Variants in CDH8 observed in about 807,000 individuals in gnomAD.
CDH8 encodes cadherin-8.
Under a neutral mutation model 68.1 loss-of-function variants are expected in CDH8, and 17 were observed. The observed-to-expected ratio is 0.25, with a 90% CI of 0.17 to 0.37. The LOEUF is 0.37. CDH8 is among the 10% of genes least tolerant of loss of function. The pLI, the probability that CDH8 is intolerant of heterozygous loss-of-function variation, is 1.00. For synonymous variants in CDH8, 372 were observed against 365.1 expected (o/e 1.02, Z -0.21); for missense variants, 763 against 999.3 (o/e 0.76, Z 3.19).
At position 61,653,932 on chromosome 16, in the gene CDH8, A is replaced by G. The variant is rs1487980024; in HGVS notation, c.2076T>C (p.Asn692=). ...TAATATCCTTACGGGGTAAAAATCC[A>G]TTAATTCCATCTGGATTTTGTAAAG... ...IATLQNPDGI[N]GFLPRKDIKP... The change falls in exon 12 of 12, where the codon AAT becomes AAC. Residue 692 remains asparagine (N), a synonymous_variant. Transcript: ENST00000577390. 1.2e-6 allele frequency: 2 copies of G among 1,614,206 alleles called. No individual in the cohort carries two copies. Among genetic ancestry groups the G allele is most frequent in the Admixed American group, 1.7e-5 (1 of 60,026 alleles).
intron 2 of CDH8, among the ~76,000 whole-genome samples, chr16:61,935,630 T>G (rs756049768): frequency 1.1e-4 from 16 of 152,132 alleles, no homozygotes; most frequent in Non-Finnish European, 2.1e-4. Context: ...TTCCTGTGAG[T>G]TCACTATTCA....
intron 2 of CDH8, among the ~76,000 whole-genome samples, chr16:62,015,266 C>T (rs2150607489): frequency 6.6e-6 from 1 of 152,236 alleles, no homozygotes; most frequent in Non-Finnish European, 1.5e-5. Flanking sequence ...CATGTTTAGA[C>T]TTGGCTCCAT....
At chr16:61,885,021 A>G (rs1567514152) in intron 3 of CDH8, among the ~76,000 whole-genome samples, 1 of 152,202 alleles carries the variant, frequency 6.6e-6, no homozygotes, top group Non-Finnish European at 1.5e-5. Context: ...AGATAAACGA[A>G]TATAAGAATG....
rs1195673378 is a variant in CDH8 at position 61,647,534 on chromosome 16, C to A, written c.*6074G>T. 1.5e-5 allele frequency: 6 copies of A among 399,856 alleles called. No individual in the cohort carries two copies. The highest frequency in any genetic ancestry group is 2.7e-5 in the Non-Finnish European group (6 of 223,708). The allele number at this position is 399,856 out of a possible 1,614,324, so 24.8% of individuals were successfully genotyped here. On this transcript the variant is annotated 3_prime_UTR_variant, in exon 12 of 12. Transcript: ENST00000577390. Reference sequence around the variant, plus strand: ...CATCTTAGAGCATAATTGTTAAAATCTTCCTCTTATTTGTGAGGGATCATA... The same window carrying A: ...CATCTTAGAGCATAATTGTTAAAATATTCCTCTTATTTGTGAGGGATCATA...
intron 4 of CDH8, among the ~76,000 whole-genome samples, chr16:61,841,924 G>A (rs979119270): frequency 1.3e-5 from 2 of 152,132 alleles, no homozygotes; most frequent in Non-Finnish European, 1.5e-5. Flanking sequence ...GTCTTGCTCT[G>A]TCGCCCAGGC....
Position 61,789,411 on chromosome 16 carries a change from A to G in CDH8, c.1349T>C (p.Leu450Pro). The G allele has an allele frequency of 6.2e-7, 1 of 1,613,238 alleles. No homozygotes were observed. Among genetic ancestry groups the G allele is most frequent in the Non-Finnish European group, 8.5e-7 (1 of 1,179,404 alleles). ...TAATTCTCTGTCAAGTGGTGTTGCCAGCGTTATCTTCCCATCGTCTGCATT... is the reference window on the plus strand; with the variant it reads ...TAATTCTCTGTCAAGTGGTGTTGCCGGCGTTATCTTCCCATCGTCTGCATT... The part of the protein sequence containing the change: ...NINADDGKIT[L>P]ATPLDRELSV... Residue 450 changes from leucine (L) to proline (P), a missense_variant, in exon 8 of 12, where the codon CTG (leucine) becomes CCG (proline). Around this residue, in one of 2 missense-constraint regions of CDH8, gnomAD observed 366 missense variants for 563.1 expected, o/e 0.65. Transcript: ENST00000577390.
chr16:61,840,072 T>C (rs1003833458), intron 4 of CDH8, among the ~76,000 whole-genome samples: 3 of 152,150 alleles, frequency 2.0e-5, no homozygotes, highest in African/African-American at 7.2e-5. Context: ...CTAAAATACA[T>C]GACTAATGCC....
At chr16:61,964,477 A>C (rs980372007) in intron 2 of CDH8, among the ~76,000 whole-genome samples, 1 of 152,102 alleles carries the variant, frequency 6.6e-6, no homozygotes, top group African/African-American at 2.4e-5. Flanking sequence ...AAGGAGAGAA[A>C]ACCCAGGCAT....
chr16:61,834,376 T>C (rs1468728302), intron 4 of CDH8, among the ~76,000 whole-genome samples: 1 of 151,856 alleles, frequency 6.6e-6, no homozygotes, highest in Non-Finnish European at 1.5e-5. Context: ...ATCTTGAGAT[T>C]ATGCTGGTTT....
intron 8 of CDH8, among the ~76,000 whole-genome samples, chr16:61,769,235 C>T (rs927210239): frequency 4.0e-5 from 6 of 151,820 alleles, no homozygotes; most frequent in Non-Finnish European, 8.8e-5. Context: ...CTAAAGATCC[C>T]TGGACCACTC....
chr16:62,034,348 A>T (rs185208715), intron 1 of CDH8, among the ~76,000 whole-genome samples: 2 of 152,304 alleles, frequency 1.3e-5, no homozygotes. Flanking sequence ...AGCGAGGCTG[A>T]ATGGATGGAA....
intron 2 of CDH8, among the ~76,000 whole-genome samples, chr16:62,003,619 G>A (rs2150598563): frequency 6.6e-6 from 1 of 152,246 alleles, no homozygotes; most frequent in South Asian, 2.1e-4. Context: ...GTGGTCCGCA[G>A]CATTACAGAA....
intron 3 of CDH8, among the ~76,000 whole-genome samples, chr16:61,871,217 T>A (rs530527169): frequency 6.6e-6 from 1 of 152,182 alleles, no homozygotes; most frequent in African/African-American, 2.4e-5. Flanking sequence ...GATCTCACTC[T>A]GTTATCCAAA....
intron 10 of CDH8, among the ~76,000 whole-genome samples, chr16:61,665,272 CACTT>C (rs1440623149): frequency 6.6e-6 from 1 of 151,874 alleles, no homozygotes; most frequent in East Asian, 1.9e-4. Context: ...GCATACCCCA[CACTT>C]ACAGTCCATG....
At chr16:61,927,544 T>A (rs1283517945) in intron 2 of CDH8, among the ~76,000 whole-genome samples, 2 of 152,196 alleles carry the variant, frequency 1.3e-5, no homozygotes, top group East Asian at 3.9e-4. Flanking sequence ...TAGACAAATA[T>A]CAAAAGGTTA....
intron 2 of CDH8, among the ~76,000 whole-genome samples, chr16:61,954,127 A>T (rs1165430261): frequency 6.6e-6 from 1 of 151,924 alleles, no homozygotes; most frequent in African/African-American, 2.4e-5. Context: ...TAACAAGGGG[A>T]GTAATGCACT....
Position 61,817,342 on chromosome 16 carries a change from A to G in CDH8, c.1277+137T>C, listed in dbSNP as rs1224926092. ...CACACACACACACACACACACACAC[A>G]GTATGTGCCAACCAACATTATTTGG... On this transcript the variant is annotated intron_variant, in intron 7 of 11. Transcript: ENST00000577390. 5 of 744,420 alleles carry G rather than the reference A, an allele frequency of 6.7e-6. No homozygotes were observed. The African/African-American group carries it at 7.2e-5, about 11-fold the overall frequency. 46.1% of individuals were successfully genotyped at this position (744,420 alleles called of 1,614,324 possible).
At chr16:61,899,353 A>T (rs1383022781) in intron 3 of CDH8, among the ~76,000 whole-genome samples, 1 of 152,200 alleles carries the variant, frequency 6.6e-6, no homozygotes, top group Non-Finnish European at 1.5e-5. Context: ...TAATGTTCAT[A>T]AAGCAACTGA....
At chr16:61,916,166 C>T (rs1423844392) in intron 2 of CDH8, among the ~76,000 whole-genome samples, 1 of 152,120 alleles carries the variant, frequency 6.6e-6, no homozygotes, top group Non-Finnish European at 1.5e-5. Context: ...TTGAGATAGA[C>T]AAAAATAGAT....
Sources: gnomAD v4.1 joint callset for allele counts (sites outside exome capture counted in the v4.1 genomes callset) on GRCh38, gnomAD v4.1.1 for gene constraint, gnomAD v4.1.1 regional missense constraint, MANE v1.5 for transcripts, NCBI Gene and HGNC (gene_info 2026-07-23, HGNC 2026-07-21) for gene names.